NRXN1: variants seen among roughly 807,000 people sequenced by gnomAD.
NRXN1 encodes neurexin-1.
NRXN1 carries 39 observed loss-of-function variants against 150.9 expected under a neutral mutation model. That is an observed-to-expected ratio of 0.26 (90% CI 0.20 to 0.34). The LOEUF is 0.34. Ranked by LOEUF, NRXN1 falls within the 10% of genes least tolerant of loss-of-function variation. The pLI is 1.00. For synonymous variants in NRXN1, 924 were observed against 757.0 expected (o/e 1.22, Z -3.62); for missense variants, 1,815 against 1,949.9 (o/e 0.93, Z 1.30).
intron 5 of NRXN1, among the ~76,000 whole-genome samples, chr2:50,897,999 T>C (rs1682286856): frequency 6.6e-6 from 1 of 152,208 alleles, no homozygotes; most frequent in Non-Finnish European, 1.5e-5. Context: ...CACTATAGTT[T>C]GAACTAGAAA....
At chr2:50,380,669 C>G (rs927885110) in intron 17 of NRXN1, among the ~76,000 whole-genome samples, 1 of 152,054 alleles carries the variant, frequency 6.6e-6, no homozygotes, top group African/African-American at 2.4e-5. Flanking sequence ...GTGCCCAATA[C>G]ATAATGTGCA....
chr2:50,604,785 T>A (rs535444854), intron 8 of NRXN1, among the ~76,000 whole-genome samples: 47 of 151,954 alleles, frequency 3.1e-4, no homozygotes, highest in African/African-American at 7.7e-4. Context: ...TGAATGTAAT[T>A]ACAATGAATC....
intron 12 of NRXN1, among the ~76,000 whole-genome samples, chr2:50,518,572 G>T (rs975336798): frequency 6.6e-6 from 1 of 151,704 alleles, no homozygotes; most frequent in African/African-American, 2.4e-5. Context: ...AAAGCATATG[G>T]GTCCTGAGCA....
intron 21 of NRXN1, among the ~76,000 whole-genome samples, chr2:50,041,427 G>A (rs1690938626): frequency 6.6e-6 from 1 of 152,094 alleles, no homozygotes; most frequent in South Asian, 2.1e-4. Context: ...TTGTCTTGTA[G>A]CCCTGTCAAG....
chr2:50,877,269 T>C (rs535393675), intron 5 of NRXN1, among the ~76,000 whole-genome samples: 4 of 151,786 alleles, frequency 2.6e-5, no homozygotes, highest in Non-Finnish European at 5.9e-5. Context: ...ATTTTTTCTA[T>C]TGATTATTCT....
chr2:50,045,665 T>G (rs528714314), intron 21 of NRXN1, among the ~76,000 whole-genome samples: 6 of 152,264 alleles, frequency 3.9e-5, no homozygotes, highest in African/African-American at 1.2e-4. Context: ...TGATAAAAAC[T>G]AAGACAATTA....
chr2:50,529,059 C>G (rs2093032227), intron 11 of NRXN1: 1 of 158,368 alleles, frequency 6.3e-6, no homozygotes, highest in African/African-American at 2.4e-5. Flanking sequence ...TCTTGGACCT[C>G]CGAAATCTAA....
At chr2:49,966,510 A>T (rs1676987838) in intron 21 of NRXN1, 1 of 137,512 alleles carries the variant, frequency 7.3e-6, no homozygotes, top group South Asian at 2.6e-4. Context: ...TTTTCTTTAA[A>T]GCATTTCTTT....
intron 2 of NRXN1, among the ~76,000 whole-genome samples, chr2:51,001,515 T>C (rs568360109): frequency 6.6e-6 from 1 of 152,044 alleles, no homozygotes; most frequent in Non-Finnish European, 1.5e-5. Flanking sequence ...TAGGCTTTGA[T>C]CTCCTACACC....
chr2:50,107,305 T>A (rs1701785977), intron 18 of NRXN1, among the ~76,000 whole-genome samples: 1 of 150,860 alleles, frequency 6.6e-6, no homozygotes, highest in Admixed American at 6.6e-5. Flanking sequence ...TTGCTAAAAC[T>A]CTACTAGAAC....
intron 5 of NRXN1, among the ~76,000 whole-genome samples, chr2:50,870,717 G>C (rs924049090): frequency 3.3e-5 from 5 of 151,568 alleles, no homozygotes; most frequent in Non-Finnish European, 7.4e-5. Context: ...CCCTTTCCTG[G>C]ACTTCCAAAA....
chr2:49,921,722 T>C lies in NRXN1; in HGVS notation c.*222A>G. The C allele has an allele frequency of 1.8e-6, 1 of 552,394 alleles. No individual in the cohort carries two copies. The highest frequency in any genetic ancestry group is 3.1e-5 in the East Asian group (1 of 32,110). 34.2% of individuals were successfully genotyped at this position (552,394 alleles called of 1,614,324 possible). The stretch of plus-strand genomic sequence containing the variant: ...GAGTAAATGAAAACACTGTGGATGT[T>C]AGGGAATTTATTGGCCCCTGTTTTT... On this transcript the variant is annotated 3_prime_UTR_variant, in exon 23 of 23. Coordinates refer to ENST00000401669, the MANE Select transcript of NRXN1 (RefSeq NM_001330078.2).
chr2:50,371,627 T>C (rs2080033652), intron 17 of NRXN1, among the ~76,000 whole-genome samples: 1 of 152,016 alleles, frequency 6.6e-6, no homozygotes, highest in South Asian at 2.1e-4. Context: ...AAGGGAAGGA[T>C]GAACCTTCAA....
At chr2:50,478,671 C>T (rs558323395) in intron 15 of NRXN1, among the ~76,000 whole-genome samples, 21 of 152,234 alleles carry the variant, frequency 1.4e-4, no homozygotes, top group African/African-American at 2.9e-4. Flanking sequence ...TATCTTTAGG[C>T]GTGTCCTGAA....
At chr2:49,992,703 C>T (rs1414345421) in intron 21 of NRXN1, among the ~76,000 whole-genome samples, 1 of 152,038 alleles carries the variant, frequency 6.6e-6, no homozygotes, top group African/African-American at 2.4e-5. Context: ...CCAAAATATA[C>T]AAAGAACTCG....
intron 5 of NRXN1, among the ~76,000 whole-genome samples, chr2:50,804,560 T>C (rs964616968): frequency 6.6e-6 from 1 of 152,198 alleles, no homozygotes; most frequent in African/African-American, 2.4e-5. Context: ...CTTTTGACCC[T>C]TGCCATAAAG....
intron 18 of NRXN1, among the ~76,000 whole-genome samples, chr2:50,161,638 G>A (rs995796431): frequency 1.3e-5 from 2 of 152,124 alleles, no homozygotes; most frequent in East Asian, 1.9e-4. Flanking sequence ...AAGTGTTACC[G>A]CATCTGGAAA....
At chr2:50,767,531 C>T (rs1227089289) in intron 5 of NRXN1, among the ~76,000 whole-genome samples, 1 of 151,894 alleles carries the variant, frequency 6.6e-6, no homozygotes, top group Non-Finnish European at 1.5e-5. Flanking sequence ...GTAGTGAATC[C>T]TAGATTTCCG....
At chr2:49,967,679 G>C (rs1049623284) in intron 21 of NRXN1, among the ~76,000 whole-genome samples, 1 of 152,108 alleles carries the variant, frequency 6.6e-6, no homozygotes, top group Non-Finnish European at 1.5e-5. Context: ...GCTAGGTAGA[G>C]TGAAATAGGC....
Sources: gnomAD v4.1 joint callset for allele counts (sites outside exome capture counted in the v4.1 genomes callset) on GRCh38, gnomAD v4.1.1 for gene constraint, MANE v1.5 for transcripts, NCBI Gene and HGNC (gene_info 2026-07-23, HGNC 2026-07-21) for gene names.